The following SLC8A3 variants were observed in gnomAD, a reference collection of about 807,000 sequenced individuals.
SLC8A3 encodes the protein sodium/calcium exchanger 3.
In SLC8A3, 37 loss-of-function variants were observed where a neutral mutation model predicts 65.4. The ratio of observed to expected loss-of-function variants is 0.57; its 90% confidence interval spans 0.44 to 0.74. The LOEUF is 0.74. SLC8A3 is among the 30% of genes least tolerant of loss of function. SLC8A3 has a pLI of 0.00. For synonymous variants in SLC8A3, 461 were observed against 444.5 expected, an observed-to-expected ratio of 1.04 and a Z score of -0.47; for missense variants, 1,112 against 1,172.1, an observed-to-expected ratio of 0.95 and a Z score of 0.75.
intron 2 of SLC8A3, among the ~76,000 whole-genome samples, chr14:70,115,544 C>T (rs1893596860): frequency 6.6e-6 from 1 of 152,100 alleles, no homozygotes; most frequent in African/African-American, 2.4e-5. Context: ...ATTCCTAGCA[C>T]ACAGTAAGGC....
At chr14:70,180,565 G>C (rs188263202) in intron 1 of SLC8A3, among the ~76,000 whole-genome samples, 2 of 152,198 alleles carry the variant, frequency 1.3e-5, no homozygotes, top group African/African-American at 4.8e-5. Context: ...ATTGGCTCAA[G>C]AGGATTCTTC....
At chr14:70,091,717 T>C (rs372540764) in intron 2 of SLC8A3, among the ~76,000 whole-genome samples, 19 of 152,218 alleles carry the variant, frequency 1.2e-4, no homozygotes, top group African/African-American at 4.3e-4. Context: ...CCTCTTTCAA[T>C]ACTTACTTCA....
chr14:70,078,637 C>T (rs1890755517), intron 2 of SLC8A3, among the ~76,000 whole-genome samples: 1 of 152,208 alleles, frequency 6.6e-6, no homozygotes, highest in Non-Finnish European at 1.5e-5. Flanking sequence ...GGCTGGACCA[C>T]CTACCTTGTC....
rs138453448 is a variant in SLC8A3, at chr14:70,130,244, A to G, written c.1784+36395T>C. On this transcript the variant is annotated intron_variant, in intron 2 of 6. Coordinates refer to ENST00000356921, the MANE Select transcript of SLC8A3 (RefSeq NM_182932.3). ...ATGCATGCATTTTAGAAGAGATTTA[A>G]TAACTTTCCTTAAGGATTTAAGATT... 1.9e-3 allele frequency among the ~76,000 whole-genome samples: 294 copies of G among 152,352 alleles called. 1 individual carries two copies. The highest frequency in any genetic ancestry group is 6.2e-3 in the African/African-American group (259 of 41,578).
chr14:70,181,091 T>TA, intron 1 of SLC8A3, among the ~76,000 whole-genome samples: 1 of 152,250 alleles, frequency 6.6e-6, no homozygotes, highest in African/African-American at 2.4e-5. Context: ...GGGAGGAGCA[T>TA]AAAAGTCAAC....
Position 70,188,652 on chromosome 14 carries a change from G to A in SLC8A3, c.-336C>T, listed in dbSNP as rs547223114. ...TCTGGGGCCAGGGCGAGGGGCCCCG[G>A]GAGGGGTCCTTCCGCACGGATTTCA... On this transcript the variant is annotated 5_prime_UTR_variant, in exon 1 of 7. Transcript: ENST00000356921. The A allele has an allele frequency of 1.7e-3, 253 of 152,364 alleles. No homozygotes were observed. The highest frequency in any genetic ancestry group is 5.9e-3 in the African/African-American group (247 of 41,584). The allele number at this position is 152,364 out of a possible 1,614,324, so 9.4% of individuals were successfully genotyped here.
At chr14:70,166,515 G>T in intron 2 of SLC8A3, 124 bp downstream of exon 2, 1 of 644,006 alleles carries the variant, frequency 1.6e-6, no homozygotes. Flanking sequence ...GCATACCTGT[G>T]ATGGAACCAA....
intron 2 of SLC8A3, among the ~76,000 whole-genome samples, chr14:70,067,255 G>A (rs1165323339): frequency 6.6e-6 from 1 of 152,194 alleles, no homozygotes; most frequent in African/African-American, 2.4e-5. Flanking sequence ...TCTTCGGAGA[G>A]GCCTTCCATG....
chr14:70,082,725 A>C (rs146164638), intron 2 of SLC8A3, among the ~76,000 whole-genome samples: 2 of 152,174 alleles, frequency 1.3e-5, no homozygotes, highest in African/African-American at 4.8e-5. Context: ...TGCTTGGCCA[A>C]CTGAGGCTAG....
intron 2 of SLC8A3, among the ~76,000 whole-genome samples, chr14:70,113,861 G>A (rs577412835): frequency 6.6e-6 from 1 of 152,288 alleles, no homozygotes; most frequent in Admixed American, 6.5e-5. Flanking sequence ...GCAAGTTCAA[G>A]GTCAAATCAG....
intron 2 of SLC8A3, among the ~76,000 whole-genome samples, chr14:70,092,531 C>T (rs1891875276): frequency 6.6e-6 from 1 of 152,182 alleles, no homozygotes; most frequent in African/African-American, 2.4e-5. Context: ...CCTTCCCACA[C>T]CCCTGGTTTG....
intron 2 of SLC8A3, among the ~76,000 whole-genome samples, chr14:70,101,910 T>C (rs1892576160): frequency 6.6e-6 from 1 of 151,640 alleles, no homozygotes; most frequent in Admixed American, 6.6e-5. Context: ...AAGATAAGAG[T>C]TCTGAGTTGT....
intron 2 of SLC8A3, chr14:70,063,758 G>T: frequency 2.2e-6 from 2 of 889,216 alleles, no homozygotes; most frequent in Non-Finnish European, 3.7e-6. Context: ...CAAATGGGTT[G>T]GAGAGGAAGA....
In SLC8A3 at chr14:70,128,100, A is replaced by AG. The variant is rs1293185195; in HGVS notation, c.1784+38538dup. Among the ~76,000 whole-genome samples, 15 of 152,306 alleles carry AG rather than the reference A, an allele frequency of 9.8e-5. No individual in the cohort carries two copies. The East Asian group carries it at 2.7e-3, about 27-fold the overall frequency. On this transcript the variant is annotated intron_variant, in intron 2 of 6. Transcript: ENST00000356921. ...GTTTTTGGATTCCCCATCTTACTTA[A>AG]GGGCAATCCTATACATCCTGTTATG...
rs74706376 is a variant in SLC8A3, at chr14:70,183,622, C to T, written c.-63+4757G>A. Among the ~76,000 whole-genome samples the T allele has an allele frequency of 9.1e-4, 138 of 152,304 alleles. 1 individual carries two copies. Among genetic ancestry groups the T allele is most frequent in the African/African-American group, 2.9e-3 (122 of 41,550 alleles). On this transcript the variant is annotated intron_variant, in intron 1 of 6. Coordinates refer to ENST00000356921, the MANE Select transcript of SLC8A3 (RefSeq NM_182932.3). ...GCCCATTCAAAACACAAATGGACAACCAAACATAAACCAATCTCATTAGAG... is the reference window on the plus strand; with the variant it reads ...GCCCATTCAAAACACAAATGGACAATCAAACATAAACCAATCTCATTAGAG...
intron 2 of SLC8A3, among the ~76,000 whole-genome samples, chr14:70,161,712 C>T (rs1242196015): frequency 6.6e-6 from 1 of 152,076 alleles, no homozygotes; most frequent in Non-Finnish European, 1.5e-5. Flanking sequence ...CCCTCTGTGG[C>T]CAGAAAGAGA....
At chr14:70,189,294 G>C (rs940652513), upstream of SLC8A3, among the ~76,000 whole-genome samples, 2 of 152,196 alleles carry the variant, frequency 1.3e-5, no homozygotes, top group Non-Finnish European at 2.9e-5. Context: ...CGTCAAAACG[G>C]CGGCGCGTCC....
At chr14:70,147,183 G>A (rs1350050855) in intron 2 of SLC8A3, among the ~76,000 whole-genome samples, 1 of 152,140 alleles carries the variant, frequency 6.6e-6, no homozygotes, top group African/African-American at 2.4e-5. Flanking sequence ...CTGCAGGATA[G>A]GTGAAAAACA....
chr14:70,121,629 G>A (rs1285667129), intron 2 of SLC8A3, among the ~76,000 whole-genome samples: 7 of 152,098 alleles, frequency 4.6e-5, no homozygotes, highest in Non-Finnish European at 8.8e-5. Flanking sequence ...TTTGGAGTGT[G>A]GATTGTGGGG....
Sources: gnomAD v4.1 joint callset for allele counts (sites outside exome capture counted in the v4.1 genomes callset) on GRCh38, gnomAD v4.1.1 for gene constraint, MANE v1.5 for transcripts, NCBI Gene and HGNC (gene_info 2026-07-23, HGNC 2026-07-21) for gene names.